CWC27: variants seen among roughly 807,000 people sequenced by gnomAD.
CWC27 encodes the protein CWC27 spliceosome associated cyclophilin.
CWC27 carries 47 observed loss-of-function variants against 63.6 expected under a neutral mutation model. The ratio of observed to expected loss-of-function variants is 0.74; its 90% CI spans 0.58 to 0.94. The LOEUF (loss-of-function observed/expected upper bound fraction) is 0.94. Ranked by LOEUF, CWC27 falls within the 40% of genes least tolerant of loss-of-function variation. CWC27 has a pLI of 0.00. For missense variants in CWC27, 495 were observed against 554.3 expected, an observed-to-expected ratio of 0.89 and a Z score of 1.07; for synonymous variants, 175 against 179.8, an observed-to-expected ratio of 0.97 and a Z score of 0.22.
intron 11 of CWC27, among the ~76,000 whole-genome samples, chr5:64,963,779 A>G (rs1233808151): frequency 6.6e-6 from 1 of 152,200 alleles, no homozygotes; most frequent in Non-Finnish European, 1.5e-5. Flanking sequence ...CTGTCTGCCT[A>G]TTTGTTTGGG....
At chr5:64,919,077 G>A (rs1263657659) in intron 11 of CWC27, among the ~76,000 whole-genome samples, 4 of 152,144 alleles carry the variant, frequency 2.6e-5, no homozygotes, top group Non-Finnish European at 5.9e-5. Context: ...TTTTTATTAT[G>A]TGATTTCCAT....
chr5:64,985,005 T>C (rs1749399199), intron 13 of CWC27, among the ~76,000 whole-genome samples: 2 of 152,338 alleles, frequency 1.3e-5, no homozygotes, highest in African/African-American at 4.8e-5. Flanking sequence ...ATTTTCTTCA[T>C]ATGGATGTCC....
intron 10 of CWC27, among the ~76,000 whole-genome samples, chr5:64,884,842 C>CAA (rs1561446419): frequency 4.6e-5 from 7 of 152,152 alleles, no homozygotes; most frequent in African/African-American, 1.7e-4. Context: ...TTGTCTTTAA[C>CAA]ACATGATTAT....
rs778118563 is a variant in CWC27, at chr5:64,804,349, G to A, written c.901G>A (p.Gly301Arg). The A allele has an allele frequency of 6.2e-7, 1 of 1,612,658 alleles. No individual in the cohort carries two copies. Among genetic ancestry groups the A allele is most frequent in the Admixed American group, 1.7e-5 (1 of 59,902 alleles). ...CACAAGTGCGAATGTTAAATCAGCT[G>A]GAGAAGGAGAAGTGGAGAAGAAATC... ...KDTSANVKSA[G>R]EGEVEKKSVS... is the part of the protein sequence containing the mutation. Residue 301 changes from glycine (G) to arginine (R), a missense_variant, in exon 10 of 14, where the codon GGA (glycine) becomes AGA (arginine). Gly to Arg is a moderately radical substitution (Grantham distance 125). This residue lies in a region of CWC27 where 463 missense variants were observed against 498.1 expected (regional missense o/e 0.93). Coordinates refer to ENST00000381070, the MANE Select transcript of CWC27 (RefSeq NM_005869.4).
At chr5:64,898,945 A>T (rs1747441688) in intron 11 of CWC27, among the ~76,000 whole-genome samples, 1 of 152,232 alleles carries the variant, frequency 6.6e-6, no homozygotes, top group Non-Finnish European at 1.5e-5. Flanking sequence ...GAGATGACCC[A>T]AAAGTTGCAC....
chr5:64,988,602 ATTTTTTT>A (rs34138527), intron 13 of CWC27, among the ~76,000 whole-genome samples: 1 of 127,012 alleles, frequency 7.9e-6, no homozygotes, highest in Non-Finnish European at 1.6e-5. Flanking sequence ...CTGTTAGACT[ATTTTTTT>A]TTTTTTTTTT....
chr5:64,900,021 C>T lies in CWC27; in HGVS notation c.1042+14475C>T, dbSNP rs555408498. 2.6e-5 allele frequency among the ~76,000 whole-genome samples: 4 copies of T among 152,206 alleles called. No individual in the cohort carries two copies. The South Asian group carries it at 8.3e-4, about 32-fold the overall frequency. On this transcript the variant is annotated intron_variant, in intron 11 of 13. Coordinates refer to ENST00000381070, the MANE Select transcript of CWC27 (RefSeq NM_005869.4). ...TTCCTTTTATTGCTAAGTAGTATTC[C>T]ATTATATAGATATACCACAAGTATT...
intron 13 of CWC27, among the ~76,000 whole-genome samples, chr5:64,978,664 A>G (rs1246273278): frequency 6.6e-6 from 1 of 150,764 alleles, no homozygotes; most frequent in Admixed American, 6.6e-5. Context: ...ATCTCTTTCA[A>G]ATGTTTTGGG....
At chr5:64,801,507 T>C (rs1443776832) in intron 9 of CWC27, among the ~76,000 whole-genome samples, 175 bp downstream of exon 9, 2 of 152,090 alleles carry the variant, frequency 1.3e-5, no homozygotes, top group African/African-American at 4.8e-5. Flanking sequence ...ACTATTTCCT[T>C]ACTCTAGGGG....
At chr5:64,814,414 G>C (rs1244971565) in intron 10 of CWC27, among the ~76,000 whole-genome samples, 1 of 152,020 alleles carries the variant, frequency 6.6e-6, no homozygotes, top group Non-Finnish European at 1.5e-5. Context: ...AGGTGTTCTG[G>C]CTAGGAAATT....
intron 11 of CWC27, among the ~76,000 whole-genome samples, chr5:64,909,579 C>T (rs539158629): frequency 2.6e-5 from 4 of 152,300 alleles, no homozygotes; most frequent in East Asian, 1.9e-4. Flanking sequence ...ACCAATCAAA[C>T]GTACAGCATG....
At position 64,945,081 on chromosome 5, in the gene CWC27, T is replaced by C. The variant is rs139342354; in HGVS notation, c.1043-26622T>C. Reference sequence around the variant, plus strand: ...CCTGCCTCAGGGCCATTGCTCATGCTGTTACCTTTTCTGGACTGTGGTTCC... The same window carrying C: ...CCTGCCTCAGGGCCATTGCTCATGCCGTTACCTTTTCTGGACTGTGGTTCC... On this transcript the variant is annotated intron_variant, in intron 11 of 13. Transcript: ENST00000381070. 1.3e-4 allele frequency among the ~76,000 whole-genome samples: 20 copies of C among 152,288 alleles called. No homozygotes were observed. In the East Asian group the frequency reaches 3.5e-3, roughly 26 times the overall value.
chr5:64,997,432 A>G (rs1159448055), intron 13 of CWC27, among the ~76,000 whole-genome samples: 1 of 152,136 alleles, frequency 6.6e-6, no homozygotes, highest in East Asian at 1.9e-4. Flanking sequence ...TCTTGTTTTC[A>G]TCTTCAGTGT....
chr5:64,788,977 A>T lies in CWC27; in HGVS notation c.626A>T (p.Glu209Val). 6.3e-7 allele frequency: 1 copy of T among 1,597,090 alleles called. No individual in the cohort carries two copies. The highest frequency in any genetic ancestry group is 8.5e-7 in the Non-Finnish European group (1 of 1,172,384). Residue 209 changes from glutamate (E) to valine (V), a missense_variant, in exon 7 of 14, where the codon GAG becomes GTG. By Grantham distance (121) the Glu-to-Val change is moderately radical. Around this residue, in one of 3 missense-constraint regions of CWC27, gnomAD observed 463 missense variants for 498.1 expected, o/e 0.93. Coordinates refer to ENST00000381070, the MANE Select transcript of CWC27 (RefSeq NM_005869.4). Reference protein sequence around the residue: ...TKNFSLLSFGEEAEEEEEEVN... With the variant: ...TKNFSLLSFGVEAEEEEEEVN... The stretch of plus-strand genomic sequence containing the variant: ...AATTTTAGTTTACTTTCATTTGGAG[A>T]GGAAGCTGAGGAAGAAGAGGAGGAA...
At chr5:64,902,788 A>C (rs527385499) in intron 11 of CWC27, among the ~76,000 whole-genome samples, 2 of 152,318 alleles carry the variant, frequency 1.3e-5, no homozygotes, top group Admixed American at 6.5e-5. Flanking sequence ...ATTGCATTGA[A>C]TATATAAATC....
At chr5:64,883,882 A>G (rs1385456744) in intron 10 of CWC27, among the ~76,000 whole-genome samples, 1 of 152,186 alleles carries the variant, frequency 6.6e-6, no homozygotes, top group Non-Finnish European at 1.5e-5. Context: ...GAGTGTTTGA[A>G]ATTGTAAAAG....
At chr5:64,888,924 C>T (rs1328770348) in intron 11 of CWC27, among the ~76,000 whole-genome samples, 7 of 152,046 alleles carry the variant, frequency 4.6e-5, no homozygotes, top group African/African-American at 7.2e-5. Context: ...ACCAAGGGAT[C>T]GAGGTAATAT....
intron 13 of CWC27, among the ~76,000 whole-genome samples, chr5:65,008,642 T>A (rs949015023): frequency 7.2e-5 from 11 of 152,262 alleles, no homozygotes; most frequent in Admixed American, 2.0e-4. Context: ...ATTACAGTAG[T>A]TCTTGATGAG....
At chr5:64,925,730 A>G (rs1748097467) in intron 11 of CWC27, among the ~76,000 whole-genome samples, 1 of 152,214 alleles carries the variant, frequency 6.6e-6, no homozygotes, top group South Asian at 2.1e-4. Flanking sequence ...ACATGTATAC[A>G]AAGTCCTCAA....
Sources: allele counts gnomAD v4.1 joint callset (sites outside exome capture counted in the v4.1 genomes callset), GRCh38; gene constraint gnomAD v4.1.1; regional missense constraint gnomAD v4.1.1; transcripts MANE v1.5; gene names NCBI Gene and HGNC (gene_info 2026-07-23, HGNC 2026-07-21).